The following SEL1L variants were observed in gnomAD, a reference collection of about 807,000 sequenced individuals.
SEL1L encodes the protein SEL1L adaptor subunit of SYVN1 ubiquitin ligase, also known as protein sel-1 homolog 1.
In SEL1L, 52 loss-of-function variants were observed where a neutral mutation model predicts 109.8. The ratio of observed to expected loss-of-function variants is 0.47; its 90% CI spans 0.38 to 0.60. SEL1L has a LOEUF of 0.60. Among genes scored for constraint, SEL1L ranks in the 20% least tolerant of loss-of-function variants. SEL1L has a pLI of 0.00. For synonymous variants in SEL1L, 373 were observed against 339.6 expected, an observed-to-expected ratio of 1.10 and a Z score of -1.08; for missense variants, 749 against 962.2, an observed-to-expected ratio of 0.78 and a Z score of 2.93.
intron 3 of SEL1L, among the ~76,000 whole-genome samples, chr14:81,507,681 C>A (rs1000809848): frequency 2.0e-5 from 3 of 148,130 alleles, no homozygotes; most frequent in African/African-American, 7.6e-5. Flanking sequence ...AAAAAAAATT[C>A]TCCAGTACAC....
intron 3 of SEL1L, among the ~76,000 whole-genome samples, chr14:81,507,557 T>C (rs941635930): frequency 1.3e-5 from 2 of 150,192 alleles, no homozygotes; most frequent in Non-Finnish European, 3.0e-5. Flanking sequence ...TCAAGGTGGC[T>C]ATTAAAAAAA....
rs1419595563 is a variant in SEL1L, at chr14:81,497,814, T to C, written c.1128+78A>G. On this transcript the variant is annotated intron_variant, in intron 10 of 20. Coordinates refer to ENST00000336735, the MANE Select transcript of SEL1L (RefSeq NM_005065.6). ...GCAATGAAAATGTAACTTACAGATA[T>C]AAGTGCTTGCTCCCGTCCCCCACAG... 3.8e-6 allele frequency: 5 copies of C among 1,315,006 alleles called. No homozygotes were observed. The South Asian group carries it at 4.3e-5, about 11-fold the overall frequency. 81.5% of individuals were successfully genotyped at this position (1,315,006 alleles called of 1,614,324 possible). A position where few individuals can be genotyped will look rare whatever the true frequency, so the allele number is the denominator to read the frequency against.
chr14:81,509,658 C>T (rs570968641), intron 3 of SEL1L, among the ~76,000 whole-genome samples: 3 of 152,232 alleles, frequency 2.0e-5, no homozygotes, highest in South Asian at 2.1e-4. Flanking sequence ...CAAAATAAAA[C>T]GGAAAATATG....
chr14:81,510,514 C>A (rs59700947), intron 3 of SEL1L, among the ~76,000 whole-genome samples: 34,933 of 103,312 alleles, frequency 0.34, 6,362 homozygotes, highest in African/African-American at 0.51. Flanking sequence ...CTCTCTCTCT[C>A]TATATATATA....
chr14:81,505,326 G>A (rs1462398461), intron 4 of SEL1L, among the ~76,000 whole-genome samples: 2 of 152,152 alleles, frequency 1.3e-5, no homozygotes, highest in Non-Finnish European at 2.9e-5. Flanking sequence ...TTTTGCTACT[G>A]TAAGAACTCA....
At chr14:81,485,485 T>C (rs1380652354) in intron 18 of SEL1L, among the ~76,000 whole-genome samples, 187 bp downstream of exon 18, 2 of 151,554 alleles carry the variant, frequency 1.3e-5, no homozygotes, top group South Asian at 2.1e-4. Context: ...AGGGTTTTAC[T>C]ATGCTGGCCA....
Position 81,502,702 on chromosome 14 carries a change from T to G in SEL1L, c.777+19A>C, listed in dbSNP as rs768464366. 1.5e-5 allele frequency: 24 copies of G among 1,610,582 alleles called. No individual in the cohort carries two copies. The highest frequency in any genetic ancestry group is 1.9e-5 in the Non-Finnish European group (22 of 1,178,124). ...CAAGTGTTACATGCAGAGAGATTCT[T>G]CACTGAGAATGTACTTACAGTCTGT... On this transcript the variant is annotated intron_variant, in intron 6 of 20. Transcript: ENST00000336735.
At chr14:81,483,904 T>C (rs1903437140) in intron 19 of SEL1L, among the ~76,000 whole-genome samples, 1 of 152,140 alleles carries the variant, frequency 6.6e-6, no homozygotes, top group Non-Finnish European at 1.5e-5. Flanking sequence ...TTCAAAATAA[T>C]TTGAAAAAAA....
At chr14:81,496,647 C>T (rs1309879716) in intron 10 of SEL1L, among the ~76,000 whole-genome samples, 1 of 151,900 alleles carries the variant, frequency 6.6e-6, no homozygotes, top group Non-Finnish European at 1.5e-5. Context: ...GGTTAAGGCA[C>T]AAGAATCGCT....
chr14:81,519,560 TAGA>T (rs1884830787), intron 3 of SEL1L, among the ~76,000 whole-genome samples: 1 of 152,126 alleles, frequency 6.6e-6, no homozygotes, highest in Non-Finnish European at 1.5e-5. Flanking sequence ...GCCTTGTAAA[TAGA>T]AGAAGTTTGG....
In SEL1L at chr14:81,506,262, A is replaced by C. The variant is rs748126856; in HGVS notation, c.341-21T>G. 5 of 1,552,780 alleles carry C rather than the reference A, an allele frequency of 3.2e-6. No homozygotes were observed. The Admixed American group carries it at 6.0e-5, about 19-fold the overall frequency. On this transcript the variant is annotated intron_variant, in intron 3 of 20. Transcript: ENST00000336735. Reference sequence around the variant, plus strand: ...CAAAGCTGGAATGACAAGAAATAAAAATCTAAACATGAAACAACACCTCTG... The same window carrying C: ...CAAAGCTGGAATGACAAGAAATAAACATCTAAACATGAAACAACACCTCTG...
intron 12 of SEL1L, among the ~76,000 whole-genome samples, chr14:81,492,270 C>T (rs1271254125): frequency 6.6e-6 from 1 of 152,148 alleles, no homozygotes; most frequent in Non-Finnish European, 1.5e-5. Context: ...GGATTACAGG[C>T]GTGAGCCACC....
intron 14 of SEL1L, among the ~76,000 whole-genome samples, chr14:81,488,268 C>T (rs755519048): frequency 1.3e-5 from 2 of 152,112 alleles, no homozygotes; most frequent in Admixed American, 6.5e-5. Context: ...CCTTTTTAAA[C>T]CTCAATTTTC....
rs1034902690 is a variant in SEL1L, at chr14:81,498,675, G to A, written c.892-181C>T. 5.6e-6 allele frequency: 3 copies of A among 535,090 alleles called. 1 individual carries two copies. The allele number at this position is 535,090 out of a possible 1,614,324, so 33.1% of individuals were successfully genotyped here. Reference sequence around the variant, plus strand: ...TGGATTCAGCAACTTCAACAAGAAGGCCATAGCTAAGAGCAAGGAAATAAA... The same window carrying A: ...TGGATTCAGCAACTTCAACAAGAAGACCATAGCTAAGAGCAAGGAAATAAA... On this transcript the variant is annotated intron_variant, in intron 8 of 20. Transcript: ENST00000336735.
intron 4 of SEL1L, 105 bp downstream of exon 4, chr14:81,505,969 G>T: frequency 8.9e-7 from 1 of 1,122,118 alleles, no homozygotes; most frequent in Non-Finnish European, 1.3e-6. Flanking sequence ...AGCAATGCTG[G>T]CCATTTCTGA....
chr14:81,499,635 G>A lies in SEL1L; in HGVS notation c.805C>T (p.Leu269Phe). 6.2e-7 allele frequency: 1 copy of A among 1,609,388 alleles called. No individual in the cohort carries two copies. Among genetic ancestry groups the A allele is most frequent in the Non-Finnish European group, 8.5e-7 (1 of 1,179,086 alleles). Residue 269 changes from leucine (L) to phenylalanine (F), a missense_variant, in exon 7 of 21, where the codon CTT becomes TTT. Transcript: ENST00000336735. Reference protein sequence around the residue: ...TALGFLYASGLGVNSSQAKAL... With the variant: ...TALGFLYASGFGVNSSQAKAL... ...TTTGCCTGACTTGAATTAACACCAA[G>A]TCCAGAGGCATACAGAAAGCCAAGA... is the stretch of plus-strand genomic sequence containing the variant.
chr14:81,486,530 G>A, intron 16 of SEL1L, 76 bp from the exon 17 acceptor site: 2 of 1,426,784 alleles, frequency 1.4e-6, no homozygotes, highest in African/African-American at 2.8e-5. Context: ...TATGCACTTT[G>A]GTTACACATG....
chr14:81,483,849 G>GT (rs1370855190), intron 19 of SEL1L, among the ~76,000 whole-genome samples: 1 of 152,118 alleles, frequency 6.6e-6, no homozygotes, highest in Non-Finnish European at 1.5e-5. Flanking sequence ...TTAGGCAAGT[G>GT]TAAGAATCAG....
At chr14:81,502,260 C>G (rs542858246) in intron 6 of SEL1L, among the ~76,000 whole-genome samples, 1 of 152,012 alleles carries the variant, frequency 6.6e-6, no homozygotes, top group Non-Finnish European at 1.5e-5. Context: ...TATTATTACT[C>G]ATATTTGGGT....
Sources: gnomAD v4.1 joint callset for allele counts (sites outside exome capture counted in the v4.1 genomes callset) on GRCh38, gnomAD v4.1.1 for gene constraint, MANE v1.5 for transcripts, NCBI Gene and HGNC (gene_info 2026-07-23, HGNC 2026-07-21) for gene names.